Variants in OR10G3 observed in about 807,000 individuals in gnomAD.
OR10G3 encodes the protein olfactory receptor family 10 subfamily G member 3.
In OR10G3, 8 loss-of-function variants were observed where a neutral mutation model predicts 13.4. The ratio of observed to expected loss-of-function variants is 0.60; its 90% CI spans 0.35 to 1.08. The LOEUF (loss-of-function observed/expected upper bound fraction) is 1.08, where lower values mean the gene tolerates loss of function less well. Ranked by LOEUF, OR10G3 falls within the 50% of genes least tolerant of loss-of-function variation. OR10G3 has a pLI of 0.02. For missense variants in OR10G3, 393 were observed against 386.6 expected, an observed-to-expected ratio of 1.02 and a Z score of -0.14; for synonymous variants, 142 against 156.1, an observed-to-expected ratio of 0.91 and a Z score of 0.67.
Position 21,570,508 on chromosome 14 carries a change from G to C in OR10G3, c.237C>G (p.Val79=). 5.6e-6 allele frequency: 9 copies of C among 1,614,110 alleles called. No homozygotes were observed. Among genetic ancestry groups the C allele is most frequent in the Non-Finnish European group, 7.6e-6 (9 of 1,179,990 alleles). ...VIDMSISSII[V]PRLMMNFTLG... is the part of the protein sequence containing the mutation. ...AAGTGAAGTTCATCATGAGGCGAGGGACAATGATGGAGGAGATGCTCATAT... is the reference window on the plus strand; with the variant it reads ...AAGTGAAGTTCATCATGAGGCGAGGCACAATGATGGAGGAGATGCTCATAT... The change falls in exon 2 of 2, where the codon GTC becomes GTG. Residue 79 remains valine (V), a synonymous_variant. Coordinates refer to ENST00000641040, the MANE Select transcript of OR10G3 (RefSeq NM_001005465.2).
In OR10G3 at chr14:21,572,263, G is replaced by T. The variant is rs1487890705; in HGVS notation, c.-17-1502C>A. Among the ~76,000 whole-genome samples, 4 of 97,592 alleles carry T rather than the reference G, an allele frequency of 4.1e-5. No individual in the cohort carries two copies. The Middle Eastern group carries it at 0.025, about 600-fold the overall frequency. 64.0% of individuals were successfully genotyped at this position (97,592 alleles called of 152,430 possible). ...ATTGCACCACTTCACTCCAGCCTGG[G>T]CAAAAGAGTGAAACTCCATCTCAAA... is the stretch of plus-strand genomic sequence containing the variant. On this transcript the variant is annotated intron_variant, in intron 1 of 1. Coordinates refer to ENST00000641040, the MANE Select transcript of OR10G3 (RefSeq NM_001005465.2).
Position 21,569,219 on chromosome 14 carries a change from G to A in OR10G3, c.*584C>T, listed in dbSNP as rs114156461. ...GATGGTTCCAGCACAGGAGAAACATGTAGGCTGGGAGGCTAGGCCAGTCTT... is the reference window on the plus strand; with the variant it reads ...GATGGTTCCAGCACAGGAGAAACATATAGGCTGGGAGGCTAGGCCAGTCTT... On this transcript the variant is annotated 3_prime_UTR_variant, in exon 2 of 2. Transcript: ENST00000641040. 13,110 of 152,714 alleles carry A rather than the reference G, an allele frequency of 0.086. 719 individuals are homozygous for A. The highest frequency in any genetic ancestry group is 0.21 in the South Asian group (1,003 of 4,858). 9.5% of individuals were successfully genotyped at this position (152,714 alleles called of 1,614,324 possible).
intron 1 of OR10G3, among the ~76,000 whole-genome samples, chr14:21,571,683 T>TG (rs1381339071): frequency 1.1e-4 from 8 of 71,502 alleles, no homozygotes; most frequent in Admixed American, 3.5e-4. Context: ...TTCGCATTTC[T>TG]TTTTTTTTTT....
chr14:21,571,770 G>T (rs1420795217), intron 1 of OR10G3, among the ~76,000 whole-genome samples: 10 of 152,030 alleles, frequency 6.6e-5, no homozygotes. Flanking sequence ...TGCCTCTCAG[G>T]TTTAAGCAAT....
rs1594488708 is a variant in OR10G3 at position 21,569,616 on chromosome 14, T to G, written c.*187A>C. On this transcript the variant is annotated 3_prime_UTR_variant, in exon 2 of 2. Transcript: ENST00000641040. ...TCTCATTCTCTACTCTTGCAGTGGC[T>G]GAGAGTTATCTTGAGAGGATACTAA... The G allele has an allele frequency of 1.7e-6, 1 of 579,250 alleles. No homozygotes were observed. The highest frequency in any genetic ancestry group is 3.0e-6 in the Non-Finnish European group (1 of 332,032). 35.9% of individuals were successfully genotyped at this position (579,250 alleles called of 1,614,324 possible).
intron 1 of OR10G3, among the ~76,000 whole-genome samples, chr14:21,571,626 C>T (rs568374824): frequency 1.3e-5 from 2 of 152,002 alleles, no homozygotes; most frequent in South Asian, 4.2e-4. Flanking sequence ...GAACAAACCA[C>T]TCTCAGTGTG....
At position 21,569,906 on chromosome 14, in the gene OR10G3, A is replaced by G. The variant is rs138472018; in HGVS notation, c.839T>C (p.Ile280Thr). The G allele has an allele frequency of 4.9e-5, 79 of 1,613,016 alleles. No individual in the cohort carries two copies. In the African/African-American group the frequency reaches 1.0e-3, roughly 21 times the overall value. Residue 280 changes from isoleucine (I) to threonine (T), a missense_variant, in exon 2 of 2, where the codon ATC becomes ACC. Ile to Thr is a moderately conservative substitution (Grantham distance 89). Coordinates refer to ENST00000641040, the MANE Select transcript of OR10G3 (RefSeq NM_001005465.2). ...DGAAALVPTAITPFLNPLIYT... is the reference protein window; with the variant it reads ...DGAAALVPTATTPFLNPLIYT... ...GATAAGGGGGTTGAGGAAAGGAGTG[A>G]TGGCCGTGGGGACTAGGGCAGCTGC...
chr14:21,574,961 A>G (rs960320458), intron 1 of OR10G3: 1 of 152,132 alleles, frequency 6.6e-6, no homozygotes, highest in African/African-American at 2.4e-5. Flanking sequence ...ACAACATACA[A>G]AAAAGCCAAC....
chr14:21,575,638 C>G (rs142012071), intron 1 of OR10G3, among the ~76,000 whole-genome samples: 38 of 152,334 alleles, frequency 2.5e-4, no homozygotes, highest in African/African-American at 8.7e-4. Flanking sequence ...CTCGGCCTCC[C>G]AAAGTACTGG....
At position 21,569,710 on chromosome 14, in the gene OR10G3, G is replaced by C; in HGVS notation, c.*93C>G. ...TCATACAGTATGGCTATATAAAAGA[G>C]AAAAAACAAGAAGAAAAGAAAAAAG... is the stretch of plus-strand genomic sequence containing the variant. On this transcript the variant is annotated 3_prime_UTR_variant, in exon 2 of 2. Coordinates refer to ENST00000641040, the MANE Select transcript of OR10G3 (RefSeq NM_001005465.2). The C allele has an allele frequency of 9.5e-7, 1 of 1,048,482 alleles. No homozygotes were observed. Among genetic ancestry groups the C allele is most frequent in the Non-Finnish European group, 1.4e-6 (1 of 724,922 alleles). 64.9% of individuals were successfully genotyped at this position (1,048,482 alleles called of 1,614,324 possible).
chr14:21,575,393 T>C (rs1353135312), intron 1 of OR10G3, among the ~76,000 whole-genome samples: 5 of 141,898 alleles, frequency 3.5e-5, no homozygotes, highest in Non-Finnish European at 6.1e-5. Context: ...AAGTCTTTTT[T>C]TTTTTGAGAT....
At chr14:21,576,063 A>G (rs1042405528) in intron 1 of OR10G3, among the ~76,000 whole-genome samples, 23 of 152,304 alleles carry the variant, frequency 1.5e-4, no homozygotes, top group African/African-American at 5.5e-4. Context: ...GAAGGAGCTC[A>G]GGTGGCTGCT....
chr14:21,576,335 C>T (rs1227323845), intron 1 of OR10G3, among the ~76,000 whole-genome samples: 1 of 152,194 alleles, frequency 6.6e-6, no homozygotes, highest in Non-Finnish European at 1.5e-5. Context: ...ATTAATACTT[C>T]ATGGTCCCTG....
rs1392420802 is a variant in OR10G3 at position 21,568,750 on chromosome 14, G to A, written c.*1053C>T. ...TTTTGAGACGGAGTCTCACTCTGTC[G>A]CCCAGGCTGGAGTGCAGTGGTGCGA... On this transcript the variant is annotated 3_prime_UTR_variant, in exon 2 of 2. Transcript: ENST00000641040. The A allele has an allele frequency of 6.7e-6, 1 of 148,664 alleles. No homozygotes were observed. The highest frequency in any genetic ancestry group is 1.5e-5 in the Non-Finnish European group (1 of 67,550). The allele number at this position is 148,664 out of a possible 1,614,324, so 9.2% of individuals were successfully genotyped here.
intron 1 of OR10G3, 83 bp downstream of exon 1, chr14:21,579,703 T>G (rs77501752): frequency 6.2e-4 from 94 of 152,322 alleles, no homozygotes; most frequent in African/African-American, 2.2e-3. Context: ...AGAAACCCCT[T>G]ACACAATGTT....
Position 21,569,906 on chromosome 14 carries a change from A to AT in OR10G3, c.838dup (p.Ile280AsnfsTer33), listed in dbSNP as rs1566535488. On this transcript the variant is annotated frameshift_variant, in exon 2 of 2. Coordinates refer to ENST00000641040, the MANE Select transcript of OR10G3 (RefSeq NM_001005465.2). LOFTEE classifies it high-confidence loss of function. ...GATAAGGGGGTTGAGGAAAGGAGTGATGGCCGTGGGGACTAGGGCAGCTGC... is the reference window on the plus strand; with the variant it reads ...GATAAGGGGGTTGAGGAAAGGAGTGATTGGCCGTGGGGACTAGGGCAGCTGC... The AT allele has an allele frequency of 6.2e-7, 1 of 1,613,018 alleles. No homozygotes were observed. The highest frequency in any genetic ancestry group is 8.5e-7 in the Non-Finnish European group (1 of 1,179,694).
rs117620573 is a variant in OR10G3, at chr14:21,571,166, T to C, written c.-17-405A>G. ...TACAGGCCAGGATTTCCTGGAAACA[T>C]GATATATGTGAGAAAGGGTATTTGT... On this transcript the variant is annotated intron_variant, in intron 1 of 1. Coordinates refer to ENST00000641040, the MANE Select transcript of OR10G3 (RefSeq NM_001005465.2). 1.5e-3 allele frequency among the ~76,000 whole-genome samples: 223 copies of C among 152,254 alleles called. 4 individuals are homozygous for C. In the East Asian group the frequency reaches 0.04, roughly 27 times the overall value.
rs1368129208 is a variant in OR10G3, at chr14:21,570,910, C to A, written c.-17-149G>T. 5.1e-6 allele frequency: 3 copies of A among 593,010 alleles called. No individual in the cohort carries two copies. The African/African-American group carries it at 5.6e-5, about 11-fold the overall frequency. 36.7% of individuals were successfully genotyped at this position (593,010 alleles called of 1,614,324 possible). ...AGTAGGGAGAAACAATGTTCTCTGG[C>A]AGGTGTTTTGTAAACAAGATCTTAT... On this transcript the variant is annotated intron_variant, in intron 1 of 1. Coordinates refer to ENST00000641040, the MANE Select transcript of OR10G3 (RefSeq NM_001005465.2).
chr14:21,570,522 A>C lies in OR10G3; in HGVS notation c.223T>G (p.Ser75Ala). ...ATGAGGCGAGGGACAATGATGGAGG[A>C]GATGCTCATATCAATGACTGAGAGA... Reference protein sequence around the residue: ...GVLSVIDMSISSIIVPRLMMN... With the variant: ...GVLSVIDMSIASIIVPRLMMN... Residue 75 changes from serine (S) to alanine (A), a missense_variant, in exon 2 of 2, where the codon TCC becomes GCC. Ser to Ala is a moderately conservative substitution (Grantham distance 99). Coordinates refer to ENST00000641040, the MANE Select transcript of OR10G3 (RefSeq NM_001005465.2). The C allele has an allele frequency of 6.2e-7, 1 of 1,614,200 alleles. No individual in the cohort carries two copies. The highest frequency in any genetic ancestry group is 1.1e-5 in the South Asian group (1 of 91,090).
Sources: allele counts gnomAD v4.1 joint callset (sites outside exome capture counted in the v4.1 genomes callset), GRCh38; gene constraint gnomAD v4.1.1; transcripts MANE v1.5; gene names NCBI Gene and HGNC (gene_info 2026-07-23, HGNC 2026-07-21).